Variants in TG observed in about 807,000 individuals in gnomAD.
The protein encoded by TG is thyroid hormones.
A neutral mutation model predicts 324.7 loss-of-function variants in TG; 270 were observed. The ratio of observed to expected loss-of-function variants is 0.83; its 90% confidence interval spans 0.75 to 0.92. The LOEUF (loss-of-function observed/expected upper bound fraction) is 0.92, where lower values mean the gene tolerates loss of function less well. Among genes scored for constraint, TG ranks in the 40% least tolerant of loss-of-function variants. The pLI, the probability that TG is intolerant of heterozygous loss-of-function variation, is 0.00. For missense variants in TG, 3,591 were observed against 3,456.4 expected (o/e 1.04, Z -0.98); for synonymous variants, 1,401 against 1,327.0 (o/e 1.06, Z -1.21).
intron 41 of TG, among the ~76,000 whole-genome samples, chr8:133,088,479 A>C (rs1846973643): frequency 6.6e-6 from 1 of 152,000 alleles, no homozygotes; most frequent in Non-Finnish European, 1.5e-5. Flanking sequence ...AAAATTACCT[A>C]CCCACTCCAA....
intron 41 of TG, among the ~76,000 whole-genome samples, chr8:133,042,459 CT>C (rs1453835220): frequency 6.6e-6 from 1 of 152,020 alleles, no homozygotes; most frequent in African/African-American, 2.4e-5. Context: ...GCATGGTATA[CT>C]TTAGGTGCCA....
In TG at chr8:133,022,006, G is replaced by A. The variant is rs1327478325; in HGVS notation, c.6892G>A (p.Val2298Met). ...ATACCCACAGGCCCCTAACGCGTCT[G>A]TGCTGGTGTTCTTCCACAACACCAT... ...IPQNVAPNAS[V>M]LVFFHNTMDR... is the part of the protein sequence containing the mutation. The change falls in exon 40 of 48, where the codon GTG (valine) becomes ATG (methionine). Residue 2298 changes from valine to methionine, a missense_variant. Physicochemically the swap from Val to Met is conservative, Grantham distance 21. Transcript: ENST00000220616. 2.5e-6 allele frequency: 4 copies of A among 1,614,064 alleles called. No individual in the cohort carries two copies. The highest frequency in any genetic ancestry group is 2.2e-5 in the East Asian group (1 of 44,880).
intron 26 of TG, among the ~76,000 whole-genome samples, chr8:132,948,273 G>A (rs1825621188): frequency 6.6e-6 from 1 of 152,090 alleles, no homozygotes; most frequent in African/African-American, 2.4e-5. Flanking sequence ...ATGTGAGAGA[G>A]CGAGAGCAAG....
chr8:133,069,385 G>A (rs368940748), intron 41 of TG, among the ~76,000 whole-genome samples: 1 of 152,168 alleles, frequency 6.6e-6, no homozygotes, highest in South Asian at 2.1e-4. Flanking sequence ...CTTGTCCAGG[G>A]ACATGGACCC....
intron 27 of TG, among the ~76,000 whole-genome samples, chr8:132,955,657 T>G (rs761962085): frequency 6.6e-6 from 1 of 152,176 alleles, no homozygotes. Flanking sequence ...GGTGGTGGTG[T>G]TAACTGGGAT....
At chr8:132,980,098 C>T (rs186145039) in intron 34 of TG, among the ~76,000 whole-genome samples, 1 of 152,206 alleles carries the variant, frequency 6.6e-6, no homozygotes, top group East Asian at 1.9e-4. Flanking sequence ...GAAGGAGCCT[C>T]TAAGTCAAGA....
intron 10 of TG, among the ~76,000 whole-genome samples, chr8:132,889,038 A>G (rs1433316778): frequency 6.6e-6 from 1 of 152,186 alleles, no homozygotes; most frequent in African/African-American, 2.4e-5. Context: ...GGAGAGTGCC[A>G]CCTGAAGTGG....
intron 35 of TG, among the ~76,000 whole-genome samples, chr8:132,989,770 T>C (rs888196905): frequency 6.6e-6 from 1 of 152,206 alleles, no homozygotes; most frequent in African/African-American, 2.4e-5. Flanking sequence ...AACAGAGTCC[T>C]GTGATCCTAA....
At chr8:133,109,560 TGGGTG>T (rs1172928980) in intron 43 of TG, among the ~76,000 whole-genome samples, 3 of 152,204 alleles carry the variant, frequency 2.0e-5, no homozygotes, top group Admixed American at 6.5e-5. Context: ...GCAGCTCGTC[TGGGTG>T]GCAAGGGCAA....
intron 43 of TG, among the ~76,000 whole-genome samples, chr8:133,098,752 G>C (rs1167384553): frequency 6.6e-6 from 1 of 152,188 alleles, no homozygotes; most frequent in Non-Finnish European, 1.5e-5. Context: ...CATCCATCAG[G>C]GAGGGTGAGG....
intron 45 of TG, among the ~76,000 whole-genome samples, chr8:133,127,454 C>T (rs189614714): frequency 8.7e-4 from 133 of 152,270 alleles, no homozygotes; most frequent in Admixed American, 1.9e-3. Flanking sequence ...TGAAAAGGTT[C>T]TGTCTTTCCT....
At chr8:133,031,525 A>C (rs1836639972) in intron 41 of TG, among the ~76,000 whole-genome samples, 1 of 152,204 alleles carries the variant, frequency 6.6e-6, no homozygotes, top group African/African-American at 2.4e-5. Flanking sequence ...TAAGAGGGGC[A>C]ACGCTGGAGG....
At chr8:133,059,621 T>C (rs537340516) in intron 41 of TG, among the ~76,000 whole-genome samples, 1 of 152,180 alleles carries the variant, frequency 6.6e-6, no homozygotes, top group East Asian at 1.9e-4. Flanking sequence ...TTCAGGAAGA[T>C]GTCACAGGAT....
At chr8:132,877,127 C>T (rs1347903152) in intron 5 of TG, among the ~76,000 whole-genome samples, 1 of 150,512 alleles carries the variant, frequency 6.6e-6, no homozygotes, top group Non-Finnish European at 1.5e-5. Context: ...CTACGGCCCC[C>T]TCTTATTTTA....
chr8:133,049,554 C>A, intron 41 of TG: 1 of 304,748 alleles, frequency 3.3e-6, no homozygotes, highest in East Asian at 7.3e-5. Context: ...CAGTAAGTGA[C>A]AGAGGCAGGA....
At chr8:133,045,605 G>A (rs765865029) in intron 41 of TG, among the ~76,000 whole-genome samples, 1 of 151,994 alleles carries the variant, frequency 6.6e-6, no homozygotes, top group Non-Finnish European at 1.5e-5. Context: ...ACATTGCCCA[G>A]GCTGATCTCG....
At chr8:133,043,207 T>A (rs907179230) in intron 41 of TG, among the ~76,000 whole-genome samples, 9 of 152,132 alleles carry the variant, frequency 5.9e-5, no homozygotes, top group African/African-American at 2.2e-4. Flanking sequence ...ATATTCCCCA[T>A]GGTCAAGCAG....
intron 22 of TG, 141 bp from the exon 23 acceptor site, chr8:132,928,935 A>T: frequency 1.4e-6 from 1 of 736,984 alleles, no homozygotes; most frequent in South Asian, 1.5e-5. Flanking sequence ...TACCTTACAA[A>T]GGAATTGCTT....
At chr8:132,911,617 G>T in intron 19 of TG, 84 bp downstream of exon 19, 1 of 1,167,412 alleles carries the variant, frequency 8.6e-7, no homozygotes, top group African/African-American at 1.5e-5. Flanking sequence ...TGGAGCTGGT[G>T]AAGAAGCCCA....
Sources: allele counts gnomAD v4.1 joint callset (sites outside exome capture counted in the v4.1 genomes callset), GRCh38; gene constraint gnomAD v4.1.1; transcripts MANE v1.5; gene names NCBI Gene and HGNC (gene_info 2026-07-23, HGNC 2026-07-21).